Variants in SPAG9 observed in about 807,000 individuals in gnomAD.
The protein encoded by SPAG9 is C-Jun-amino-terminal kinase-interacting protein 4.
A neutral mutation model predicts 166.5 loss-of-function variants in SPAG9; 35 were observed. The observed-to-expected ratio is 0.21, with a 90% confidence interval of 0.16 to 0.28. The LOEUF (loss-of-function observed/expected upper bound fraction) is 0.28, where lower values mean the gene tolerates loss of function less well. Ranked by LOEUF, SPAG9 falls within the 10% of genes least tolerant of loss-of-function variation. The pLI is 1.00. For missense variants in SPAG9, 1,235 were observed against 1,603.3 expected, an observed-to-expected ratio of 0.77 and a Z score of 3.92; for synonymous variants, 534 against 565.5, an observed-to-expected ratio of 0.94 and a Z score of 0.79.
chr17:50,999,473 T>C, intron 14 of SPAG9, 188 bp downstream of exon 14: 9 of 1,509,658 alleles, frequency 6.0e-6, no homozygotes, highest in Non-Finnish European at 7.9e-6. Context: ...AGAAGAGCCT[T>C]ACCGAGTTGG....
chr17:51,106,885 C>G (rs1026802740), intron 1 of SPAG9, among the ~76,000 whole-genome samples: 5 of 151,870 alleles, frequency 3.3e-5, no homozygotes, highest in Non-Finnish European at 7.4e-5. Context: ...GTGCAGATCA[C>G]AAGGTCAGGA....
At chr17:50,993,721 G>A (rs759031348) in intron 19 of SPAG9, 43 bp downstream of exon 19, 15 of 1,595,014 alleles carry the variant, frequency 9.4e-6, no homozygotes, top group East Asian at 2.2e-5. Flanking sequence ...CAGCAGGTAG[G>A]TGGATGGAGG....
chr17:50,988,796 C>T (rs559489176), intron 21 of SPAG9, among the ~76,000 whole-genome samples: 1 of 152,302 alleles, frequency 6.6e-6, no homozygotes, highest in Admixed American at 6.5e-5. Context: ...CTCAAGCAAT[C>T]CTCCTGCTCA....
In SPAG9 at chr17:51,120,643, T is replaced by C; in HGVS notation, c.14A>G (p.Asp5Gly). 1.2e-6 allele frequency: 2 copies of C among 1,604,644 alleles called. No homozygotes were observed. The highest frequency in any genetic ancestry group is 1.7e-6 in the Non-Finnish European group (2 of 1,176,080). Residue 5 changes from aspartate to glycine, a missense_variant, in exon 1 of 30, where the codon GAC (aspartate) becomes GGC (glycine). Asp to Gly is a moderately conservative substitution (Grantham distance 94). Transcript: ENST00000262013. The surrounding 1 kb of genome is among the most constrained non-coding windows in gnomAD (Gnocchi z 4.7). Reference protein sequence around the residue: MELEDGVVYQEEPGG... With the variant: MELEGGVVYQEEPGG... ...GGGCTCCTCCTGATACACCACACCGTCCTCCAGCTCCATGGTGGCAAGCGG... is the reference window on the plus strand; with the variant it reads ...GGGCTCCTCCTGATACACCACACCGCCCTCCAGCTCCATGGTGGCAAGCGG...
chr17:50,979,643 C>T (rs1027970572), intron 26 of SPAG9, 103 bp downstream of exon 26: 2 of 1,156,868 alleles, frequency 1.7e-6, no homozygotes, highest in African/African-American at 1.5e-5. Context: ...CCACTGCACT[C>T]CATCCTGGGC....
At chr17:50,966,592 T>C (rs1300230700) in intron 29 of SPAG9, among the ~76,000 whole-genome samples, 1 of 152,144 alleles carries the variant, frequency 6.6e-6, no homozygotes, top group Non-Finnish European at 1.5e-5. Flanking sequence ...TCAGAAAAGG[T>C]TAATTCATTT....
chr17:51,006,117 T>G lies in SPAG9; in HGVS notation c.1392A>C (p.Glu464Asp), dbSNP rs1567988928. ...AVKQAKLKLE[E>D]KNRELEEELR... The stretch of plus-strand genomic sequence containing the variant: ...GCTCTTCCTCCAATTCTCTGTTCTT[T>G]TCCTCTAGTTTCAGTTTGGCTTGCT... The change falls in exon 11 of 30, where the codon GAA becomes GAC. Residue 464 changes from glutamate to aspartate, a missense_variant. By Grantham distance (45) the Glu-to-Asp change is conservative. Around this residue, in one of 6 missense-constraint regions of SPAG9, gnomAD observed 125 missense variants for 194.0 expected, o/e 0.64. Coordinates refer to ENST00000262013, the MANE Select transcript of SPAG9 (RefSeq NM_001130528.3). 6.2e-7 allele frequency: 1 copy of G among 1,614,214 alleles called. No homozygotes were observed. The highest frequency in any genetic ancestry group is 8.5e-7 in the Non-Finnish European group (1 of 1,180,016).
intron 2 of SPAG9, among the ~76,000 whole-genome samples, chr17:51,077,227 G>T (rs186311339): frequency 6.6e-6 from 1 of 151,818 alleles, no homozygotes; most frequent in South Asian, 2.1e-4. Context: ...GGGGTCAAGC[G>T]ATTCTCCTGT....
intron 3 of SPAG9, among the ~76,000 whole-genome samples, chr17:51,048,469 T>C (rs1054849865): frequency 3.9e-5 from 6 of 152,022 alleles, no homozygotes; most frequent in African/African-American, 1.4e-4. Flanking sequence ...ATGTCCCTTC[T>C]CACCATTCCT....
chr17:51,060,504 TTAAA>T (rs1568050723), intron 2 of SPAG9, among the ~76,000 whole-genome samples: 1 of 138,042 alleles, frequency 7.2e-6, no homozygotes, highest in Non-Finnish European at 1.5e-5. Context: ...CTTTGTCTTT[TTAAA>T]AAAAAAAAAA....
chr17:50,967,670 G>A (rs972892839), intron 29 of SPAG9, among the ~76,000 whole-genome samples: 2 of 152,170 alleles, frequency 1.3e-5, no homozygotes, highest in Non-Finnish European at 2.9e-5. Context: ...GATTTTACTT[G>A]TAAGAAAATT....
At chr17:51,005,977 C>G in intron 11 of SPAG9, 108 bp downstream of exon 11, 1 of 1,314,826 alleles carries the variant, frequency 7.6e-7, no homozygotes, top group Non-Finnish European at 1.1e-6. Context: ...AGCTCTTGGC[C>G]TTCCAGGCTT....
chr17:50,990,744 T>G, intron 19 of SPAG9, 76 bp from the exon 20 acceptor site: 1 of 1,211,836 alleles, frequency 8.3e-7, no homozygotes, highest in Non-Finnish European at 1.2e-6. Flanking sequence ...CAATTACAGG[T>G]TTGAAATGAG....
intron 1 of SPAG9, among the ~76,000 whole-genome samples, chr17:51,101,456 C>CA (rs1425365613): frequency 1.3e-5 from 2 of 150,792 alleles, no homozygotes; most frequent in Non-Finnish European, 2.9e-5. Flanking sequence ...TGATGCCTGG[C>CA]AAAAAATAAA....
rs533542420 is a variant in SPAG9, at chr17:51,100,736, A to G, written c.303+19618T>C. Among the ~76,000 whole-genome samples, 8 of 152,230 alleles carry G rather than the reference A, an allele frequency of 5.3e-5. No individual in the cohort carries two copies. The South Asian group carries it at 1.7e-3, about 32-fold the overall frequency. ...GGAGTTCCAGACCAGCCTGACTAAC[A>G]TGGAGAAACCCCCTCTCTACTAAAA... On this transcript the variant is annotated intron_variant, in intron 1 of 29. Transcript: ENST00000262013.
At chr17:50,996,945 GC>G (rs2044708248) in intron 15 of SPAG9, among the ~76,000 whole-genome samples, 1 of 152,196 alleles carries the variant, frequency 6.6e-6, no homozygotes, top group South Asian at 2.1e-4. Flanking sequence ...TTCGAGAGCA[GC>G]CTGGCCAACA....
intron 2 of SPAG9, among the ~76,000 whole-genome samples, chr17:51,057,447 T>G (rs1394695198): frequency 6.6e-6 from 1 of 152,214 alleles, no homozygotes; most frequent in African/African-American, 2.4e-5. Context: ...CTGTGTGTAA[T>G]CTACAACTGG....
At chr17:51,021,405 G>A (rs200521169) in intron 6 of SPAG9, 40 bp from the exon 7 acceptor site, 351 of 1,453,600 alleles carry the variant, frequency 2.4e-4, no homozygotes, top group Non-Finnish European at 2.8e-4. Flanking sequence ...TTTAAATGAC[G>A]AATTTACTCT....
At chr17:51,041,213 C>A (rs2046824731) in intron 5 of SPAG9, among the ~76,000 whole-genome samples, 1 of 152,086 alleles carries the variant, frequency 6.6e-6, no homozygotes, top group East Asian at 1.9e-4. Flanking sequence ...TCACTAGTTA[C>A]CCTACTCTAA....
Sources: allele counts gnomAD v4.1 joint callset (sites outside exome capture counted in the v4.1 genomes callset), GRCh38; gene constraint gnomAD v4.1.1; regional missense constraint gnomAD v4.1.1; non-coding constraint Gnocchi (gnomAD v3.1); transcripts MANE v1.5; gene names NCBI Gene and HGNC (gene_info 2026-07-23, HGNC 2026-07-21).